The following MARCHF1 variants were observed in gnomAD, a reference collection of about 807,000 sequenced individuals.
MARCHF1 encodes membrane associated ring-CH-type finger 1.
A neutral mutation model predicts 54.2 loss-of-function variants in MARCHF1; 40 were observed. The observed-to-expected ratio is 0.74, with a 90% CI of 0.57 to 0.96. MARCHF1 has a LOEUF of 0.96. Ranked by LOEUF, MARCHF1 falls within the 40% of genes least tolerant of loss-of-function variation. The pLI, the probability that MARCHF1 is intolerant of heterozygous loss-of-function variation, is 0.00. For missense variants in MARCHF1, 586 were observed against 656.5 expected (o/e 0.89, Z 1.17); for synonymous variants, 236 against 236.3 (o/e 1.00, Z 0.01).
At position 163,695,203 on chromosome 4, in the gene MARCHF1, A is replaced by C. The variant is rs2111213871; in HGVS notation, c.162+5610T>G. 1.3e-5 allele frequency among the ~76,000 whole-genome samples: 2 copies of C among 152,272 alleles called. 1 individual carries two copies. Among genetic ancestry groups the C allele is most frequent in the East Asian group, 3.9e-4 (2 of 5,182 alleles). On this transcript the variant is annotated intron_variant, in intron 5 of 9. Transcript: ENST00000514618. ...TTCTCAGTACATTTTATACATAAGA[A>C]ACACTTTCACCTTGACCTTGCTGGA...
intron 1 of MARCHF1, among the ~76,000 whole-genome samples, chr4:164,326,427 T>C (rs1735283026): frequency 6.6e-6 from 1 of 152,198 alleles, no homozygotes; most frequent in South Asian, 2.1e-4. Context: ...TAAGGATTAA[T>C]TGGATACCAA....
intron 7 of MARCHF1, among the ~76,000 whole-genome samples, chr4:163,597,113 G>A (rs990550424): frequency 2.0e-5 from 3 of 151,984 alleles, no homozygotes; most frequent in East Asian, 3.9e-4. Context: ...GTACTACCAC[G>A]CCCGACTAAT....
At chr4:164,215,576 T>C (rs920469520) in intron 1 of MARCHF1, among the ~76,000 whole-genome samples, 24 of 152,154 alleles carry the variant, frequency 1.6e-4, no homozygotes, top group Admixed American at 6.5e-5. Flanking sequence ...CCCTTCTCCC[T>C]TCCATATCAT....
intron 3 of MARCHF1, among the ~76,000 whole-genome samples, chr4:163,918,685 C>G (rs1324772250): frequency 6.6e-6 from 1 of 151,916 alleles, no homozygotes; most frequent in Non-Finnish European, 1.5e-5. Context: ...TAAATTTATA[C>G]CTGAAGTCAT....
chr4:163,767,305 G>T (rs1195595976), intron 4 of MARCHF1, among the ~76,000 whole-genome samples: 4 of 150,474 alleles, frequency 2.7e-5, no homozygotes, highest in African/African-American at 9.7e-5. Context: ...CAGAGAACAC[G>T]TTGTACTGAC....
rs1300486050 is a variant in MARCHF1, at chr4:163,612,734, G to T, written c.547C>A (p.Leu183Met). 6.5e-7 allele frequency: 1 copy of T among 1,535,514 alleles called. No homozygotes were observed. Among genetic ancestry groups the T allele is most frequent in the Non-Finnish European group, 8.7e-7 (1 of 1,146,536 alleles). Residue 183 changes from leucine (L) to methionine (M), a missense_variant, in exon 7 of 10, where the codon CTG becomes ATG. This residue lies in a region of MARCHF1 where 387 missense variants were observed against 394.6 expected (regional missense o/e 0.98). Coordinates refer to ENST00000514618, the MANE Select transcript of MARCHF1 (RefSeq NM_001394959.1). ...AKRRAQVKFR[L>M]SRRRRRNNNK... ...TTATTTCTCCTCCTTCTTCTTGACA[G>T]TCTGAATTTAACCTGGGCTCTTCTT...
In MARCHF1 at chr4:163,925,996, A is replaced by G. The variant is rs115328821; in HGVS notation, c.-39+62505T>C. On this transcript the variant is annotated intron_variant, in intron 3 of 9. Coordinates refer to ENST00000514618, the MANE Select transcript of MARCHF1 (RefSeq NM_001394959.1). Reference sequence around the variant, plus strand: ...TTTTTTACTTTCTTCTGATTTCAGTATGCAAGTAACTAAGTTATATATAAC... The same window carrying G: ...TTTTTTACTTTCTTCTGATTTCAGTGTGCAAGTAACTAAGTTATATATAAC... Among the ~76,000 whole-genome samples, 668 of 151,832 alleles carry G rather than the reference A, an allele frequency of 4.4e-3. 5 individuals carry two copies. Among genetic ancestry groups the G allele is most frequent in the African/African-American group, 0.015 (629 of 41,522 alleles).
chr4:164,309,737 A>C (rs951972197), intron 1 of MARCHF1, among the ~76,000 whole-genome samples: 1 of 152,228 alleles, frequency 6.6e-6, no homozygotes, highest in Non-Finnish European at 1.5e-5. Flanking sequence ...CAATAGAATA[A>C]GACATTTTAA....
At chr4:163,643,178 T>G (rs1454526001) in intron 5 of MARCHF1, among the ~76,000 whole-genome samples, 2 of 135,602 alleles carry the variant, frequency 1.5e-5, no homozygotes, top group Non-Finnish European at 3.2e-5. Flanking sequence ...AAAAAAAAAA[T>G]TAGCCAAGTG....
intron 9 of MARCHF1, among the ~76,000 whole-genome samples, chr4:163,532,153 G>A (rs1159527461): frequency 1.3e-5 from 2 of 151,802 alleles, no homozygotes; most frequent in Non-Finnish European, 2.9e-5. Context: ...TATTGAAGTG[G>A]AAGAATAAAG....
At chr4:164,341,109 G>C (rs1729914831) in intron 1 of MARCHF1, among the ~76,000 whole-genome samples, 1 of 152,034 alleles carries the variant, frequency 6.6e-6, no homozygotes, top group Admixed American at 6.6e-5. Flanking sequence ...CACATTAAAA[G>C]AATGAATAAT....
chr4:163,798,346 G>A (rs1470085119), intron 4 of MARCHF1, among the ~76,000 whole-genome samples: 1 of 152,094 alleles, frequency 6.6e-6, no homozygotes, highest in African/African-American at 2.4e-5. Flanking sequence ...TTTAGATTTT[G>A]TAGTCTTTAG....
At chr4:163,860,289 C>T (rs1749888779) in intron 3 of MARCHF1, among the ~76,000 whole-genome samples, 1 of 152,086 alleles carries the variant, frequency 6.6e-6, no homozygotes, top group African/African-American at 2.4e-5. Context: ...CTTCCAGGGG[C>T]TGCATTATTA....
chr4:164,073,330 T>C (rs912105068), intron 2 of MARCHF1, among the ~76,000 whole-genome samples: 2 of 152,128 alleles, frequency 1.3e-5, no homozygotes, highest in Non-Finnish European at 2.9e-5. Flanking sequence ...AAAAGAATGA[T>C]TTCATGTCCT....
intron 4 of MARCHF1, among the ~76,000 whole-genome samples, chr4:163,823,628 C>A (rs1007531528): frequency 6.6e-6 from 1 of 151,802 alleles, no homozygotes; most frequent in Non-Finnish European, 1.5e-5. Context: ...TTAAATTATT[C>A]TTAGATTATT....
chr4:164,199,661 CACACACACACACACACACACAGAG>C (rs1375408844), intron 1 of MARCHF1, among the ~76,000 whole-genome samples: 70 of 77,738 alleles, frequency 9.0e-4, no homozygotes, highest in African/African-American at 2.4e-3. Flanking sequence ...CACACACACA[CACACACACACACACACACACAGAG>C]AGAGAGAGAG....
intron 4 of MARCHF1, among the ~76,000 whole-genome samples, chr4:163,723,500 T>C (rs1745547631): frequency 6.6e-6 from 1 of 152,182 alleles, no homozygotes; most frequent in Admixed American, 6.5e-5. Context: ...CAATTATGTG[T>C]CTTGGAGTTG....
At chr4:164,019,793 A>T (rs917231221) in intron 2 of MARCHF1, among the ~76,000 whole-genome samples, 1 of 152,192 alleles carries the variant, frequency 6.6e-6, no homozygotes, top group East Asian at 1.9e-4. Flanking sequence ...TCTTAAAACA[A>T]TCCCTTATTT....
intron 1 of MARCHF1, among the ~76,000 whole-genome samples, chr4:164,176,962 CTCTCTCTCTCTCTCTCTCTATATAT>C (rs1730686208): frequency 4.7e-5 from 2 of 42,274 alleles, no homozygotes; most frequent in Non-Finnish European, 8.3e-5. Context: ...CTCTCTCTCT[CTCTCTCTCTCTCTCTCTCTATATAT>C]ATATATATAT....
Sources: gnomAD v4.1 joint callset for allele counts (sites outside exome capture counted in the v4.1 genomes callset) on GRCh38, gnomAD v4.1.1 for gene constraint, gnomAD v4.1.1 regional missense constraint, MANE v1.5 for transcripts, NCBI Gene and HGNC (gene_info 2026-07-23, HGNC 2026-07-21) for gene names.